The following ARHGAP21 variants were observed in gnomAD, a reference collection of about 807,000 sequenced individuals.
ARHGAP21 encodes the protein rho GTPase-activating protein 21.
A neutral mutation model predicts 164.6 loss-of-function variants in ARHGAP21; 38 were observed. The ratio of observed to expected loss-of-function variants is 0.23; its 90% CI spans 0.18 to 0.30. The LOEUF (loss-of-function observed/expected upper bound fraction) is 0.30, where lower values mean the gene tolerates loss of function less well. Among genes scored for constraint, ARHGAP21 ranks in the 10% least tolerant of loss-of-function variants. The probability of loss-of-function intolerance (pLI) is 1.00; values close to 1 mark genes in which losing one functional copy is unlikely to be tolerated. For synonymous variants in ARHGAP21, 766 were observed against 857.9 expected (o/e 0.89, Z 1.87); for missense variants, 1,822 against 2,370.7 (o/e 0.77, Z 4.81).
chr10:24,607,462 A>G (rs1489016881), intron 11 of ARHGAP21, 37 bp downstream of exon 11: 1 of 1,559,094 alleles, frequency 6.4e-7, no homozygotes, highest in Admixed American at 1.7e-5. Flanking sequence ...ACACCCACCC[A>G]CATACAAATA....
At chr10:24,639,526 C>G (rs1332772169) in intron 4 of ARHGAP21, among the ~76,000 whole-genome samples, 1 of 152,082 alleles carries the variant, frequency 6.6e-6, no homozygotes, top group Non-Finnish European at 1.5e-5. Flanking sequence ...CAGAGATGAT[C>G]TTGGGTACAC....
At chr10:24,659,569 C>T (rs1447943629) in intron 4 of ARHGAP21, among the ~76,000 whole-genome samples, 1 of 152,174 alleles carries the variant, frequency 6.6e-6, no homozygotes, top group Non-Finnish European at 1.5e-5. Context: ...CCCACCTCGG[C>T]CTCCCAAAGT....
At chr10:24,632,712 A>C (rs1017524180) in intron 6 of ARHGAP21, among the ~76,000 whole-genome samples, 1 of 152,232 alleles carries the variant, frequency 6.6e-6, no homozygotes, top group Non-Finnish European at 1.5e-5. Context: ...GAATCTGAGA[A>C]GAACCTCTTA....
At chr10:24,664,332 G>A (rs1023133828) in intron 4 of ARHGAP21, among the ~76,000 whole-genome samples, 3 of 151,908 alleles carry the variant, frequency 2.0e-5, no homozygotes, top group East Asian at 1.9e-4. Context: ...CGAGGCAGGC[G>A]GATCATGAGG....
chr10:24,707,199 A>G (rs1457911531), intron 2 of ARHGAP21, among the ~76,000 whole-genome samples: 2 of 152,242 alleles, frequency 1.3e-5, no homozygotes, highest in African/African-American at 4.8e-5. Context: ...AGAAAAGCCT[A>G]GATCTTAATA....
chr10:24,609,896 A>G (rs1463184232), intron 9 of ARHGAP21, among the ~76,000 whole-genome samples: 2 of 152,218 alleles, frequency 1.3e-5, no homozygotes, highest in East Asian at 3.8e-4. Flanking sequence ...CTTTCAAATG[A>G]CTTCTAAATT....
intron 7 of ARHGAP21, among the ~76,000 whole-genome samples, chr10:24,623,253 T>C (rs1257767053): frequency 6.6e-6 from 1 of 152,142 alleles, no homozygotes; most frequent in East Asian, 1.9e-4. Flanking sequence ...GCCTTTACAC[T>C]AAGATTCAGG....
rs188168654 is a variant in ARHGAP21, at chr10:24,623,868, A to C, written c.496-1106T>G. ...TCCCAGAGGTTTTAACATAATTAGAATATCTACTTGGGTAATGCTATTCTA... is the reference window on the plus strand; with the variant it reads ...TCCCAGAGGTTTTAACATAATTAGACTATCTACTTGGGTAATGCTATTCTA... On this transcript the variant is annotated intron_variant, in intron 7 of 25. Coordinates refer to ENST00000396432, the MANE Select transcript of ARHGAP21 (RefSeq NM_020824.4). 3.9e-5 allele frequency among the ~76,000 whole-genome samples: 6 copies of C among 152,362 alleles called. No individual in the cohort carries two copies. In the East Asian group the frequency reaches 9.6e-4, roughly 24 times the overall value.
chr10:24,705,024 A>G (rs752080017), intron 2 of ARHGAP21, among the ~76,000 whole-genome samples: 22 of 152,194 alleles, frequency 1.4e-4, no homozygotes, highest in Non-Finnish European at 2.8e-4. Context: ...CACTTTTGAT[A>G]TCGCTGGCTT....
intron 9 of ARHGAP21, among the ~76,000 whole-genome samples, chr10:24,612,973 T>C (rs1269754783): frequency 6.6e-6 from 1 of 152,202 alleles, no homozygotes; most frequent in African/African-American, 2.4e-5. Flanking sequence ...TAAAGTTAAA[T>C]GATCTTATTA....
chr10:24,682,561 G>A (rs1464367521), intron 2 of ARHGAP21, among the ~76,000 whole-genome samples: 3 of 152,056 alleles, frequency 2.0e-5, no homozygotes, highest in East Asian at 1.9e-4. Flanking sequence ...GAAATCTGAC[G>A]TTGTGAACTA....
At chr10:24,648,260 C>A (rs1837780496) in intron 4 of ARHGAP21, among the ~76,000 whole-genome samples, 1 of 152,178 alleles carries the variant, frequency 6.6e-6, no homozygotes, top group East Asian at 1.9e-4. Context: ...TACTTGTTTA[C>A]CACATAGCAT....
intron 2 of ARHGAP21, among the ~76,000 whole-genome samples, chr10:24,678,127 G>T (rs1565149748): frequency 6.6e-6 from 1 of 151,754 alleles, no homozygotes; most frequent in African/African-American, 2.4e-5. Flanking sequence ...GAGAGAGAGA[G>T]GAAAAGAAAG....
Position 24,619,552 on chromosome 10 carries a change from G to C in ARHGAP21, c.2343C>G (p.Val781=). 6.2e-7 allele frequency: 1 copy of C among 1,614,118 alleles called. No individual in the cohort carries two copies. Among genetic ancestry groups the C allele is most frequent in the Non-Finnish European group, 8.5e-7 (1 of 1,180,042 alleles). ...TTCTTTCCTCCATTCTTTTTATGTG[G>C]ACCTCTCGACGTGCATCATTGGGCA... ...CWLPNDARRE[V]HIKRMEERKA... Residue 781 remains valine, a synonymous_variant, in exon 9 of 26, where the codon GTC becomes GTG. Transcript: ENST00000396432.
chr10:24,644,933 T>C (rs1837411410), intron 4 of ARHGAP21, among the ~76,000 whole-genome samples: 1 of 152,228 alleles, frequency 6.6e-6, no homozygotes, highest in African/African-American at 2.4e-5. Context: ...AGCTAGATAC[T>C]GAACTCTCTA....
chr10:24,605,514 TCCTGCTACCCTGGAAGCAAGC>T lies in ARHGAP21; in HGVS notation c.2685-1187_2685-1167del, dbSNP rs550137553. On this transcript the variant is annotated intron_variant, in intron 11 of 25. Coordinates refer to ENST00000396432, the MANE Select transcript of ARHGAP21 (RefSeq NM_020824.4). ...TCCAACCCTGTATCTTTAGGAAAAT[TCCTGCTACCCTGGAAGCAAGC>T]CCTGCTAGCCTCACACAAACCTCCC... is the stretch of plus-strand genomic sequence containing the variant. 2.0e-3 allele frequency among the ~76,000 whole-genome samples: 303 copies of T among 152,286 alleles called. 3 individuals are homozygous for T. Among genetic ancestry groups the T allele is most frequent in the African/African-American group, 7.0e-3 (293 of 41,566 alleles).
chr10:24,612,772 AT>A (rs1258056728), intron 9 of ARHGAP21, among the ~76,000 whole-genome samples: 1 of 152,080 alleles, frequency 6.6e-6, no homozygotes, highest in African/African-American at 2.4e-5. Context: ...GGAGAATGGC[AT>A]GAACCCGGGA....
intron 2 of ARHGAP21, among the ~76,000 whole-genome samples, chr10:24,686,333 G>A (rs1455305827): frequency 6.6e-6 from 1 of 152,108 alleles, no homozygotes; most frequent in African/African-American, 2.4e-5. Context: ...GGAGGCTAAG[G>A]CAGGTGGATC....
intron 2 of ARHGAP21, among the ~76,000 whole-genome samples, chr10:24,683,878 C>T (rs144340142): frequency 8.7e-4 from 133 of 152,142 alleles, no homozygotes; most frequent in Non-Finnish European, 1.0e-3. Context: ...ATCTACTTCT[C>T]ATTTTTCAGA....
Sources: gnomAD v4.1 joint callset for allele counts (sites outside exome capture counted in the v4.1 genomes callset) on GRCh38, gnomAD v4.1.1 for gene constraint, MANE v1.5 for transcripts, NCBI Gene and HGNC (gene_info 2026-07-23, HGNC 2026-07-21) for gene names.